The following DNAJC6 variants were observed in gnomAD, a reference collection of about 807,000 sequenced individuals.
The protein encoded by DNAJC6 is auxilin.
DNAJC6 carries 34 observed loss-of-function variants against 110.0 expected under a neutral mutation model. The ratio of observed to expected loss-of-function variants is 0.31; its 90% CI spans 0.24 to 0.41. The LOEUF (loss-of-function observed/expected upper bound fraction) is 0.41, where lower values mean the gene tolerates loss of function less well. DNAJC6 is among the 10% of genes least tolerant of loss of function. The pLI is 1.00. For missense variants in DNAJC6, 1,031 were observed against 1,207.8 expected, an observed-to-expected ratio of 0.85 and a Z score of 2.17; for synonymous variants, 406 against 437.2, an observed-to-expected ratio of 0.93 and a Z score of 0.89.
At chr1:65,321,793 T>C (rs1008151860) in intron 1 of DNAJC6, among the ~76,000 whole-genome samples, 3 of 152,146 alleles carry the variant, frequency 2.0e-5, no homozygotes, top group South Asian at 2.1e-4. Context: ...TTCTGCCATA[T>C]TGGGACATGA....
At chr1:65,302,089 A>ATT (rs1219503773) in intron 1 of DNAJC6, among the ~76,000 whole-genome samples, 1 of 55,494 alleles carries the variant, frequency 1.8e-5, no homozygotes, top group Non-Finnish European at 2.8e-5. Context: ...TATTATATAT[A>ATT]TTATATATAT....
chr1:65,389,255 G>A lies in DNAJC6; in HGVS notation c.1194-1G>A. Reference sequence around the variant, plus strand: ...TTTATCTTTTTTAAATCCCTATTTAGGCCTGAGTTAGATGCATGTGATGTA... The same window carrying A: ...TTTATCTTTTTTAAATCCCTATTTAAGCCTGAGTTAGATGCATGTGATGTA... On this transcript the variant is annotated splice_acceptor_variant, in intron 9 of 18. Coordinates refer to ENST00000371069, the MANE Select transcript of DNAJC6 (RefSeq NM_001256864.2). LOFTEE classifies it high-confidence loss of function. 1 of 1,612,816 alleles carries A rather than the reference G, an allele frequency of 6.2e-7. No individual in the cohort carries two copies. Among genetic ancestry groups the A allele is most frequent in the Non-Finnish European group, 8.5e-7 (1 of 1,179,326 alleles).
chr1:65,309,298 C>T (rs1645073807), upstream of DNAJC6, among the ~76,000 whole-genome samples: 1 of 150,034 alleles, frequency 6.7e-6, no homozygotes, highest in Middle Eastern at 3.2e-3. Flanking sequence ...CCTCACGAAC[C>T]TCCCCTCCCT....
rs747038312 is a variant in DNAJC6, at chr1:65,364,833, A to T, written c.344+48A>T. On this transcript the variant is annotated intron_variant, in intron 2 of 18. Coordinates refer to ENST00000371069, the MANE Select transcript of DNAJC6 (RefSeq NM_001256864.2). Reference sequence around the variant, plus strand: ...ATTTAGTGGATCCCCATGCTCTCAAAGGATCTGGTTACCTGCTGACTGCTT... The same window carrying T: ...ATTTAGTGGATCCCCATGCTCTCAATGGATCTGGTTACCTGCTGACTGCTT... 6.2e-6 allele frequency: 10 copies of T among 1,602,664 alleles called. No individual in the cohort carries two copies. In the African/African-American group the frequency reaches 1.3e-4, roughly 21 times the overall value.
At chr1:65,309,194 TTC>T, upstream of DNAJC6, among the ~76,000 whole-genome samples, 2 of 152,124 alleles carry the variant, frequency 1.3e-5, no homozygotes, top group Non-Finnish European at 2.9e-5. Context: ...CGCCCCTTTC[TTC>T]TCTGTCACAC....
chr1:65,303,986 T>C (rs919323618), intron 1 of DNAJC6, among the ~76,000 whole-genome samples: 3 of 152,106 alleles, frequency 2.0e-5, no homozygotes, highest in Non-Finnish European at 4.4e-5. Flanking sequence ...CAAAGCATGA[T>C]CAGAAAGATG....
chr1:65,330,428 A>G (rs1401049679), intron 1 of DNAJC6, among the ~76,000 whole-genome samples: 1 of 152,042 alleles, frequency 6.6e-6, no homozygotes, highest in Non-Finnish European at 1.5e-5. Flanking sequence ...AGGCCATCAT[A>G]ACAGTGGCTT....
intron 1 of DNAJC6, among the ~76,000 whole-genome samples, chr1:65,332,335 G>A (rs1371932034): frequency 6.6e-6 from 1 of 152,152 alleles, no homozygotes; most frequent in Non-Finnish European, 1.5e-5. Flanking sequence ...GGGTGGTGGG[G>A]CACCTTTCTG....
At chr1:65,375,094 G>C (rs924661232) in intron 4 of DNAJC6, among the ~76,000 whole-genome samples, 1 of 151,670 alleles carries the variant, frequency 6.6e-6, no homozygotes, top group Non-Finnish European at 1.5e-5. Context: ...CTCCCAAGTA[G>C]CTGGGATTAC....
At chr1:65,335,670 G>A (rs1029159120) in intron 1 of DNAJC6, among the ~76,000 whole-genome samples, 10 of 152,240 alleles carry the variant, frequency 6.6e-5, no homozygotes, top group Non-Finnish European at 1.3e-4. Context: ...TTGAATAGAC[G>A]AGTAGTGTGG....
chr1:65,409,937 G>A (rs1275525641), intron 17 of DNAJC6, among the ~76,000 whole-genome samples: 2 of 152,028 alleles, frequency 1.3e-5, no homozygotes, highest in Non-Finnish European at 2.9e-5. Context: ...TTGTTTCACA[G>A]CTGAAAAAAA....
intron 1 of DNAJC6, among the ~76,000 whole-genome samples, chr1:65,313,517 T>C (rs1470747215): frequency 6.6e-6 from 1 of 152,328 alleles, no homozygotes; most frequent in South Asian, 2.1e-4. Flanking sequence ...TTCTCAGAGG[T>C]GGTAGGAGAC....
intron 1 of DNAJC6, 34 bp from the exon 2 acceptor site, chr1:65,364,601 T>C (rs1262028272): frequency 6.4e-7 from 1 of 1,571,304 alleles, no homozygotes; most frequent in African/African-American, 1.4e-5. Flanking sequence ...GCCATCACCA[T>C]TTTTGTTTGT....
chr1:65,264,831 G>A, exon 1 of DNAJC6: 1 of 1,595,216 alleles, frequency 6.3e-7, no homozygotes, highest in Non-Finnish European at 8.5e-7. Context: ...ACCGCTGACT[G>A]TGAATGACAA....
intron 1 of DNAJC6, among the ~76,000 whole-genome samples, chr1:65,287,571 T>C (rs1654062061): frequency 6.6e-6 from 1 of 152,176 alleles, no homozygotes; most frequent in Non-Finnish European, 1.5e-5. Context: ...CTCCCCCATT[T>C]ACCTACCTCC....
chr1:65,344,076 G>C (rs1645414405), intron 1 of DNAJC6, among the ~76,000 whole-genome samples: 1 of 152,146 alleles, frequency 6.6e-6, no homozygotes, highest in Non-Finnish European at 1.5e-5. Flanking sequence ...TTGGCCAGAT[G>C]CTAAGTAGAA....
At chr1:65,325,775 T>C (rs1431726377) in intron 1 of DNAJC6, among the ~76,000 whole-genome samples, 2 of 152,252 alleles carry the variant, frequency 1.3e-5, no homozygotes, top group Admixed American at 6.5e-5. Context: ...TAGAGTGTGC[T>C]TACACAAACC....
intron 14 of DNAJC6, among the ~76,000 whole-genome samples, chr1:65,401,120 C>A (rs1352458224): frequency 1.3e-5 from 2 of 151,938 alleles, no homozygotes; most frequent in Non-Finnish European, 2.9e-5. Context: ...TGTTGGTTTT[C>A]TTCTGGTATT....
At chr1:65,364,930 G>T in intron 2 of DNAJC6, 145 bp downstream of exon 2, 2 of 1,171,246 alleles carry the variant, frequency 1.7e-6, no homozygotes. Flanking sequence ...TGTCATTGAA[G>T]ACATAAAGTT....
Sources: gnomAD v4.1 joint callset for allele counts (sites outside exome capture counted in the v4.1 genomes callset) on GRCh38, gnomAD v4.1.1 for gene constraint, MANE v1.5 for transcripts, NCBI Gene and HGNC (gene_info 2026-07-23, HGNC 2026-07-21) for gene names.